The following KDM5A variants were observed in gnomAD, a reference collection of about 807,000 sequenced individuals.
KDM5A encodes lysine demethylase 5A.
KDM5A carries 42 observed loss-of-function variants against 193.5 expected under a neutral mutation model. The ratio of observed to expected loss-of-function variants is 0.22; its 90% confidence interval spans 0.17 to 0.28. KDM5A has a LOEUF of 0.28. Among genes scored for constraint, KDM5A ranks in the 10% least tolerant of loss-of-function variants. The pLI, the probability that KDM5A is intolerant of heterozygous loss-of-function variation, is 1.00. For synonymous variants in KDM5A, 796 were observed against 718.1 expected (o/e 1.11, Z -1.73); for missense variants, 1,692 against 2,055.1 (o/e 0.82, Z 3.42).
At chr12:313,391 A>T (rs1200994635) in intron 19 of KDM5A, among the ~76,000 whole-genome samples, 197 bp from the exon 20 acceptor site, 1 of 152,196 alleles carries the variant, frequency 6.6e-6, no homozygotes, top group African/African-American at 2.4e-5. Flanking sequence ...AGGTATAAAC[A>T]TAAGTTTATA....
At position 281,289 on chromosome 12, in the gene KDM5A, G is replaced by A. The variant is rs1367357081; in HGVS notation, c.*4167C>T. 1 of 233,028 alleles carries A rather than the reference G, an allele frequency of 4.3e-6. No individual in the cohort carries two copies. The highest frequency in any genetic ancestry group is 5.6e-5 in the Admixed American group (1 of 17,782). 14.4% of individuals were successfully genotyped at this position (233,028 alleles called of 1,614,324 possible). On this transcript the variant is annotated 3_prime_UTR_variant, in exon 28 of 28. Coordinates refer to ENST00000399788, the MANE Select transcript of KDM5A (RefSeq NM_001042603.3). ...GGGAATAATCAATAGGGAGTCTTGA[G>A]GTTTTACAAGACATTCCTGTTTAGA... is the stretch of plus-strand genomic sequence containing the variant.
At chr12:382,718 G>C (rs1342716889) in intron 3 of KDM5A, among the ~76,000 whole-genome samples, 1 of 152,108 alleles carries the variant, frequency 6.6e-6, no homozygotes, top group African/African-American at 2.4e-5. Flanking sequence ...CGGATCACGA[G>C]GTCAGAAGTT....
chr12:328,747 G>A (rs935416421), intron 14 of KDM5A, 88 bp downstream of exon 14: 17 of 1,138,436 alleles, frequency 1.5e-5, no homozygotes, highest in Admixed American at 1.8e-5. Context: ...AACTCCTAGG[G>A]GATAAGGGAT....
chr12:323,509 A>T, intron 15 of KDM5A, 91 bp downstream of exon 15: 1 of 1,281,736 alleles, frequency 7.8e-7, no homozygotes, highest in Non-Finnish European at 1.1e-6. Flanking sequence ...AGTCCAGAGT[A>T]AAGGAGTAAA....
intron 4 of KDM5A, among the ~76,000 whole-genome samples, chr12:364,982 A>C (rs556038553): frequency 4.8e-4 from 73 of 152,150 alleles, no homozygotes; most frequent in Non-Finnish European, 3.5e-4. Flanking sequence ...TGGATAAACA[A>C]AATGTGGTAT....
chr12:376,563 G>A (rs1359557963), intron 3 of KDM5A, among the ~76,000 whole-genome samples: 3 of 152,144 alleles, frequency 2.0e-5, no homozygotes, highest in African/African-American at 4.8e-5. Context: ...TTTGGCACAC[G>A]CTCGGTGGGC....
At chr12:329,921 A>G (rs778616589) in intron 13 of KDM5A, among the ~76,000 whole-genome samples, 2 of 152,066 alleles carry the variant, frequency 1.3e-5, no homozygotes, top group Admixed American at 1.3e-4. Flanking sequence ...ATGGACCTTT[A>G]AGAGCCTTTT....
chr12:282,296 C>T lies in KDM5A; in HGVS notation c.*3160G>A, dbSNP rs1943164476. 1 of 233,414 alleles carries T rather than the reference C, an allele frequency of 4.3e-6. No individual in the cohort carries two copies. Among genetic ancestry groups the T allele is most frequent in the Admixed American group, 5.6e-5 (1 of 17,788 alleles). The allele number at this position is 233,414 out of a possible 1,614,324, so 14.5% of individuals were successfully genotyped here. A position where few individuals can be genotyped will look rare whatever the true frequency, so the allele number is the denominator to read the frequency against. On this transcript the variant is annotated 3_prime_UTR_variant, in exon 28 of 28. Coordinates refer to ENST00000399788, the MANE Select transcript of KDM5A (RefSeq NM_001042603.3). ...AGGTGCACTCTACTGCACCTGGCTG[C>T]CATGTTTTTTATTATTAAAGTACAT...
Position 284,540 on chromosome 12 carries a change from G to T in KDM5A, c.*916C>A, listed in dbSNP as rs1348903745. The stretch of plus-strand genomic sequence containing the variant: ...TTGCTCATGGCCATGCCTGAAGCCT[G>T]GTGTCTGGAATACTTGTGAATGAAG... On this transcript the variant is annotated 3_prime_UTR_variant, in exon 28 of 28. Transcript: ENST00000399788. 4.3e-6 allele frequency: 1 copy of T among 232,714 alleles called. No individual in the cohort carries two copies. Among genetic ancestry groups the T allele is most frequent in the Non-Finnish European group, 8.5e-6 (1 of 117,540 alleles). The allele number at this position is 232,714 out of a possible 1,614,324, so 14.4% of individuals were successfully genotyped here.
intron 12 of KDM5A, among the ~76,000 whole-genome samples, chr12:332,444 T>A (rs1184261472): frequency 1.3e-5 from 2 of 152,202 alleles, no homozygotes; most frequent in Admixed American, 6.5e-5. Context: ...GATTCTGGTA[T>A]AAATTTATTA....
At chr12:374,474 T>C (rs774515198) in intron 3 of KDM5A, among the ~76,000 whole-genome samples, 8 of 152,226 alleles carry the variant, frequency 5.3e-5, no homozygotes, top group Non-Finnish European at 1.0e-4. Context: ...TGTCTCTGCA[T>C]GTGAGATGGG....
chr12:289,907 C>CTTTTTTTTTTTTTTTTTTTTTTTTTTTTT (rs750918968), intron 27 of KDM5A, among the ~76,000 whole-genome samples: 4 of 99,658 alleles, frequency 4.0e-5, no homozygotes, highest in East Asian at 4.4e-4. Context: ...TTCTTTCTTT[C>CTTTTTTTTTTTTTTTTTTTTTTTTTTTTT]TTTTTTTTTT....
At position 331,827 on chromosome 12, in the gene KDM5A, C is replaced by A. The variant is rs1943869945; in HGVS notation, c.1765G>T (p.Ala589Ser). ...NFAEAVNFCT[A>S]DWLPIGRQCV... ...CTTGCTATAGAACAGACCCAGTCAG[C>A]AGTACAGAAGTTCACAGCTTCAGCA... Residue 589 changes from alanine to serine, a missense_variant, in exon 13 of 28, where the codon GCT (alanine) becomes TCT (serine). Transcript: ENST00000399788. The A allele has an allele frequency of 6.2e-7, 1 of 1,613,816 alleles. No individual in the cohort carries two copies. The highest frequency in any genetic ancestry group is 8.5e-7 in the Non-Finnish European group (1 of 1,179,894).
At chr12:387,239 A>G (rs1944648296) in intron 1 of KDM5A, 1 of 368,658 alleles carries the variant, frequency 2.7e-6, no homozygotes, top group Non-Finnish European at 5.2e-6. Flanking sequence ...AAAAAAAAAA[A>G]AGTCTTACCT....
chr12:314,265 A>G (rs1943623908), intron 19 of KDM5A, among the ~76,000 whole-genome samples: 2 of 152,212 alleles, frequency 1.3e-5, no homozygotes, highest in Admixed American at 6.5e-5. Flanking sequence ...GCGCAATCTC[A>G]GCTCACTGCA....
At chr12:360,945 T>G (rs143794067) in intron 5 of KDM5A, among the ~76,000 whole-genome samples, 33 of 152,138 alleles carry the variant, frequency 2.2e-4, no homozygotes, top group Non-Finnish European at 2.9e-4. Flanking sequence ...CCCACAGAGA[T>G]AGACAAAGAC....
At chr12:377,595 C>T (rs117979101) in intron 3 of KDM5A, among the ~76,000 whole-genome samples, 2,674 of 152,216 alleles carry the variant, frequency 0.018, 41 homozygotes, top group Non-Finnish European at 0.026. Context: ...GATTTACAAT[C>T]TAGACTTTTA....
At chr12:316,146 G>C (rs1269500231) in intron 19 of KDM5A, among the ~76,000 whole-genome samples, 2 of 152,176 alleles carry the variant, frequency 1.3e-5, no homozygotes, top group African/African-American at 4.8e-5. Context: ...GAAGATTAAG[G>C]CTGTGTTTCA....
Position 389,196 on chromosome 12 carries a change from A to T in KDM5A, c.-105T>A, listed in dbSNP as rs753747854. On this transcript the variant is annotated 5_prime_UTR_variant, in exon 1 of 28. An upstream start codon of the reference 5' UTR is lost. Coordinates refer to ENST00000399788, the MANE Select transcript of KDM5A (RefSeq NM_001042603.3). ...AGTCCCCTGACAGAGGCCGAAGCGC[A>T]TCTTCGCGGACAAGAACCGTTCAAC... The T allele has an allele frequency of 9.4e-7, 1 of 1,060,280 alleles. No homozygotes were observed. Among genetic ancestry groups the T allele is most frequent in the South Asian group, 1.2e-5 (1 of 80,160 alleles). 65.7% of individuals were successfully genotyped at this position (1,060,280 alleles called of 1,614,324 possible). A position where few individuals can be genotyped will look rare whatever the true frequency, so the allele number is the denominator to read the frequency against.
Sources: allele counts gnomAD v4.1 joint callset (sites outside exome capture counted in the v4.1 genomes callset), GRCh38; gene constraint gnomAD v4.1.1; transcripts MANE v1.5; gene names NCBI Gene and HGNC (gene_info 2026-07-23, HGNC 2026-07-21).